Variants in LRRC69 observed in about 807,000 individuals in gnomAD.
LRRC69 encodes the protein leucine rich repeat containing 69, also known as leucine-rich repeat-containing protein 69.
LRRC69 carries 42 observed loss-of-function variants against 37.8 expected under a neutral mutation model. That is an observed-to-expected ratio of 1.11 (90% CI 0.87 to 1.44). LRRC69 has a LOEUF of 1.44. Ranked by LOEUF, LRRC69 falls within the 40% of genes most tolerant of loss-of-function variation. The probability of loss-of-function intolerance (pLI) is 0.00; values close to 1 mark genes in which losing one functional copy is unlikely to be tolerated. For missense variants in LRRC69, 357 were observed against 401.9 expected, an observed-to-expected ratio of 0.89 and a Z score of 0.96; for synonymous variants, 141 against 143.1, an observed-to-expected ratio of 0.99 and a Z score of 0.11.
At chr8:91,200,354 T>C (rs968116567) in intron 6 of LRRC69, among the ~76,000 whole-genome samples, 9 of 152,234 alleles carry the variant, frequency 5.9e-5, no homozygotes, top group Non-Finnish European at 1.2e-4. Flanking sequence ...AATGCAAATG[T>C]ATTACGACTT....
intron 5 of LRRC69, among the ~76,000 whole-genome samples, chr8:91,160,422 G>A (rs967364776): frequency 6.6e-6 from 1 of 150,760 alleles, no homozygotes; most frequent in Admixed American, 6.6e-5. Context: ...AGGAACTCCA[G>A]TACTGACATG....
At chr8:91,128,629 C>T (rs761834481) in intron 3 of LRRC69, among the ~76,000 whole-genome samples, 3 of 151,962 alleles carry the variant, frequency 2.0e-5, no homozygotes, top group Admixed American at 6.6e-5. Flanking sequence ...GAAAATAAAT[C>T]GGATTGTTTT....
At chr8:91,127,671 G>A in intron 3 of LRRC69, among the ~76,000 whole-genome samples, 1 of 141,682 alleles carries the variant, frequency 7.1e-6, no homozygotes, top group Admixed American at 7.2e-5. Context: ...CAGGCAGAAT[G>A]CCTTTCTGGA....
chr8:91,191,052 C>T lies in LRRC69; in HGVS notation c.753+1429C>T, dbSNP rs78169705. ...GGATCCTGTCTCAAACCCCCCCCCC[C>T]CCAAGTCAAAAAGCAACAACAACAA... On this transcript the variant is annotated intron_variant, in intron 6 of 7. Coordinates refer to ENST00000448384, the Ensembl canonical transcript of LRRC69. Among the ~76,000 whole-genome samples the T allele has an allele frequency of 4.2e-3, 613 of 145,456 alleles. 14 individuals are homozygous for T. The highest frequency in any genetic ancestry group is 0.013 in the African/African-American group (536 of 39,808).
At chr8:91,117,389 G>A (rs1031198174) in intron 1 of LRRC69, among the ~76,000 whole-genome samples, 6 of 151,878 alleles carry the variant, frequency 4.0e-5, no homozygotes, top group African/African-American at 1.4e-4. Context: ...ATTGAATTTA[G>A]GTGGAGGGAG....
chr8:91,171,894 C>T (rs1054186375), intron 5 of LRRC69, among the ~76,000 whole-genome samples: 1 of 151,646 alleles, frequency 6.6e-6, no homozygotes, highest in African/African-American at 2.4e-5. Context: ...TACTATTTTT[C>T]CATTTTAAAA....
At chr8:91,106,893 A>G (rs1471950132) in intron 1 of LRRC69, among the ~76,000 whole-genome samples, 5 of 151,656 alleles carry the variant, frequency 3.3e-5, no homozygotes, top group Admixed American at 3.3e-4. Flanking sequence ...CCTGTGCTCA[A>G]GTGATCCTCC....
At chr8:91,136,918 A>G (rs2130521321) in intron 5 of LRRC69, among the ~76,000 whole-genome samples, 1 of 152,008 alleles carries the variant, frequency 6.6e-6, no homozygotes, top group East Asian at 1.9e-4. Context: ...AATAATATTC[A>G]GTTGTATGTA....
intron 1 of LRRC69, among the ~76,000 whole-genome samples, chr8:91,111,533 CA>C (rs1170839582): frequency 2.0e-5 from 3 of 151,150 alleles, no homozygotes; most frequent in African/African-American, 7.3e-5. Context: ...GACTCCATCT[CA>C]AAAAAAATAA....
At position 91,189,680 on chromosome 8, in the gene LRRC69, A is replaced by G. The variant is rs60529729; in HGVS notation, c.753+57A>G. 6,749 of 1,236,704 alleles carry G rather than the reference A, an allele frequency of 5.5e-3. 279 individuals are homozygous for G. The African/African-American group carries it at 0.087, about 16-fold the overall frequency. The allele number at this position is 1,236,704 out of a possible 1,614,324, so 76.6% of individuals were successfully genotyped here. ...AAACTAAAGCCACAATTTAAATTTTAAAGCGTTTTCTTTTAAAACATTCTT... is the reference window on the plus strand; with the variant it reads ...AAACTAAAGCCACAATTTAAATTTTGAAGCGTTTTCTTTTAAAACATTCTT... On this transcript the variant is annotated intron_variant, in intron 6 of 7. Coordinates refer to ENST00000448384, the Ensembl canonical transcript of LRRC69.
intron 5 of LRRC69, among the ~76,000 whole-genome samples, chr8:91,155,180 C>T (rs1808811739): frequency 6.6e-6 from 1 of 151,250 alleles, no homozygotes; most frequent in African/African-American, 2.4e-5. Flanking sequence ...ATGTGAAGGA[C>T]CTCTTCAAGG....
exon 2 of LRRC69, chr8:91,124,603 T>C (rs1198072387): frequency 5.8e-6 from 9 of 1,539,638 alleles, no homozygotes; most frequent in South Asian, 2.4e-5. Context: ...TCTGTAGATT[T>C]GCACCTGGAG....
At chr8:91,126,378 T>G (rs1813712932) in intron 2 of LRRC69, among the ~76,000 whole-genome samples, 1 of 151,978 alleles carries the variant, frequency 6.6e-6, no homozygotes, top group South Asian at 2.1e-4. Context: ...TTGATTCTAT[T>G]TTTTTTGCCT....
chr8:91,114,188 G>A (rs1813465465), intron 1 of LRRC69, among the ~76,000 whole-genome samples: 1 of 151,858 alleles, frequency 6.6e-6, no homozygotes, highest in Non-Finnish European at 1.5e-5. Context: ...TGGAGAAAAG[G>A]AAATGTTCGT....
chr8:91,207,029 CATTT>C (rs1269903939), intron 7 of LRRC69, among the ~76,000 whole-genome samples: 5 of 152,186 alleles, frequency 3.3e-5, no homozygotes, highest in African/African-American at 7.2e-5. Context: ...CTTCTGTCCT[CATTT>C]ATTTATCCAC....
intron 5 of LRRC69, among the ~76,000 whole-genome samples, chr8:91,159,920 A>T (rs1808907439): frequency 6.6e-6 from 1 of 151,086 alleles, no homozygotes; most frequent in South Asian, 2.1e-4. Flanking sequence ...AACAACAGTG[A>T]ACTGATGTTG....
chr8:91,194,980 T>G (rs2130618967), intron 6 of LRRC69, among the ~76,000 whole-genome samples: 1 of 152,350 alleles, frequency 6.6e-6, no homozygotes, highest in African/African-American at 2.4e-5. Flanking sequence ...TGTGGGCATT[T>G]ATTGCTATAA....
In LRRC69 at chr8:91,140,827, G is replaced by A. The variant is rs1195772288; in HGVS notation, c.651+5088G>A. Among the ~76,000 whole-genome samples, 2 of 64,386 alleles carry A rather than the reference G, an allele frequency of 3.1e-5. 1 individual carries two copies. Among genetic ancestry groups the A allele is most frequent in the East Asian group, 7.2e-4 (2 of 2,778 alleles). The allele number at this position is 64,386 out of a possible 152,430, so 42.2% of individuals were successfully genotyped here. A position where few individuals can be genotyped will look rare whatever the true frequency, so the allele number is the denominator to read the frequency against. ...CGCCACTACGCCCGGCTAATTTTTTGTATTTTTAGTAGAGACGGGGTTTCA... is the reference window on the plus strand; with the variant it reads ...CGCCACTACGCCCGGCTAATTTTTTATATTTTTAGTAGAGACGGGGTTTCA... On this transcript the variant is annotated intron_variant, in intron 5 of 7. Transcript: ENST00000448384.
intron 6 of LRRC69, among the ~76,000 whole-genome samples, chr8:91,191,473 G>C (rs1323978803): frequency 6.6e-6 from 1 of 152,106 alleles, no homozygotes; most frequent in Non-Finnish European, 1.5e-5. Context: ...AAAAAGATAG[G>C]TATCATTATT....
Sources: gnomAD v4.1 joint callset for allele counts (sites outside exome capture counted in the v4.1 genomes callset) on GRCh38, gnomAD v4.1.1 for gene constraint, MANE v1.5 for transcripts, NCBI Gene and HGNC (gene_info 2026-07-23, HGNC 2026-07-21) for gene names.